Variants in FBXL17 observed in about 807,000 individuals in gnomAD.
FBXL17 encodes F-box/LRR-repeat protein 17.
A neutral mutation model predicts 66.2 loss-of-function variants in FBXL17; 22 were observed. That is an observed-to-expected ratio of 0.33 (90% confidence interval 0.24 to 0.47). The LOEUF (loss-of-function observed/expected upper bound fraction) is 0.47. Among genes scored for constraint, FBXL17 ranks in the 20% least tolerant of loss-of-function variants. The pLI is 1.00. For missense variants in FBXL17, 878 were observed against 948.2 expected, an observed-to-expected ratio of 0.93 and a Z score of 0.97; for synonymous variants, 474 against 400.5, an observed-to-expected ratio of 1.18 and a Z score of -2.19.
At chr5:108,144,271 A>G (rs1751472996) in intron 6 of FBXL17, among the ~76,000 whole-genome samples, 1 of 152,156 alleles carries the variant, frequency 6.6e-6, no homozygotes, top group Admixed American at 6.5e-5. Flanking sequence ...GTGATTCTTA[A>G]AAGTTGCTGA....
intron 6 of FBXL17, among the ~76,000 whole-genome samples, chr5:108,181,190 A>G (rs1177003636): frequency 6.6e-6 from 1 of 152,350 alleles, no homozygotes. Flanking sequence ...TGTAGACCAA[A>G]TTGGATGTGA....
At chr5:107,881,928 C>A (rs1422888110) in intron 7 of FBXL17, among the ~76,000 whole-genome samples, 1 of 152,192 alleles carries the variant, frequency 6.6e-6, no homozygotes, top group Admixed American at 6.5e-5. Flanking sequence ...ACACTTATCC[C>A]ATAATCTATG....
Position 108,224,138 on chromosome 5 carries a change from C to T in FBXL17, c.1597G>A (p.Val533Ile). The stretch of plus-strand genomic sequence containing the variant: ...GTACCTACCTTGGTTAGGTGAATGA[C>T]TCCTTTAGAAGTGACTGAACAACCC... ...FMGCSVTSKGVIHLTKLRNLS... is the reference protein window; with the variant it reads ...FMGCSVTSKGIIHLTKLRNLS... The change falls in exon 5 of 9, where the codon GTC becomes ATC. Residue 533 changes from valine to isoleucine, a missense_variant. Val to Ile is a conservative substitution (Grantham distance 29, BLOSUM62 3). Around this residue, in one of 4 missense-constraint regions of FBXL17, gnomAD observed 236 missense variants for 389.1 expected, o/e 0.61. Transcript: ENST00000542267. 6.2e-7 allele frequency: 1 copy of T among 1,603,184 alleles called. No homozygotes were observed. The highest frequency in any genetic ancestry group is 8.5e-7 in the Non-Finnish European group (1 of 1,172,176).
intron 4 of FBXL17, among the ~76,000 whole-genome samples, chr5:108,230,119 T>C (rs2122159): frequency 0.044 from 6,646 of 152,250 alleles, 780 homozygotes; most frequent in East Asian, 0.39. Context: ...ACACTGCTGG[T>C]AGGAATGTAA....
At chr5:108,256,726 TTA>T (rs1482234572) in intron 4 of FBXL17, among the ~76,000 whole-genome samples, 4 of 152,138 alleles carry the variant, frequency 2.6e-5, no homozygotes, top group African/African-American at 4.8e-5. Flanking sequence ...CTTTACTTAG[TTA>T]TGACTATATA....
In FBXL17 at chr5:108,111,565, T is replaced by C. The variant is rs886750177; in HGVS notation, c.1745+74552A>G. Among the ~76,000 whole-genome samples the C allele has an allele frequency of 2.0e-4, 30 of 152,350 alleles. 1 individual carries two copies. The highest frequency in any genetic ancestry group is 5.8e-4 in the East Asian group (3 of 5,188). The stretch of plus-strand genomic sequence containing the variant: ...ACTATCATTCATTCTTAAGTATTTA[T>C]TGAATGCTGTATACAAGATCTAGTT... On this transcript the variant is annotated intron_variant, in intron 6 of 8. Transcript: ENST00000542267.
At chr5:108,380,647 G>C (rs1580937026) in intron 1 of FBXL17, 52 bp downstream of exon 1, 3 of 1,093,548 alleles carry the variant, frequency 2.7e-6, no homozygotes, top group Non-Finnish European at 3.5e-6. Flanking sequence ...TCGGAGGCGG[G>C]GGCCGGGGGT....
chr5:108,009,194 CATATATATATATATATATATATATATAT>C (rs373679985), intron 7 of FBXL17, among the ~76,000 whole-genome samples: 20,052 of 53,890 alleles, frequency 0.37, 4,841 homozygotes, highest in South Asian at 0.56. Context: ...ATTTGAAAAG[CATATATATATATATATATATATATATAT>C]ATATATATAT....
chr5:108,139,659 TTTGA>T (rs1751277862), intron 6 of FBXL17, among the ~76,000 whole-genome samples: 1 of 152,192 alleles, frequency 6.6e-6, no homozygotes, highest in Non-Finnish European at 1.5e-5. Flanking sequence ...TATCTCACAA[TTTGA>T]TTGGCTTCAA....
intron 4 of FBXL17, among the ~76,000 whole-genome samples, chr5:108,231,172 C>T (rs763521403): frequency 3.2e-4 from 48 of 152,096 alleles, no homozygotes; most frequent in Admixed American, 1.4e-3. Context: ...TATTGAGGTA[C>T]AACTTATATG....
chr5:108,151,874 T>C lies in FBXL17; in HGVS notation c.1745+34243A>G, dbSNP rs145687582. Among the ~76,000 whole-genome samples the C allele has an allele frequency of 3.8e-3, 578 of 152,302 alleles. 3 individuals are homozygous for C. The highest frequency in any genetic ancestry group is 0.013 in the African/African-American group (529 of 41,570). ...ATGACATTCTTTATTCTTAAGAACT[T>C]TGATATCAAAGGCAACAAGAATGCT... On this transcript the variant is annotated intron_variant, in intron 6 of 8. Coordinates refer to ENST00000542267, the MANE Select transcript of FBXL17 (RefSeq NM_001163315.3).
intron 5 of FBXL17, among the ~76,000 whole-genome samples, chr5:108,212,741 T>C (rs1009494685): frequency 5.9e-5 from 9 of 152,188 alleles, no homozygotes; most frequent in Non-Finnish European, 1.2e-4. Flanking sequence ...CTGTGTGAGA[T>C]GTCTGTCAGC....
chr5:108,371,565 A>G (rs1006900661), intron 1 of FBXL17, among the ~76,000 whole-genome samples: 3 of 152,220 alleles, frequency 2.0e-5, no homozygotes, highest in African/African-American at 4.8e-5. Context: ...GAAACTGCCC[A>G]TGAGAAAACC....
chr5:108,023,248 A>G (rs1754666194), intron 6 of FBXL17, among the ~76,000 whole-genome samples: 1 of 152,136 alleles, frequency 6.6e-6, no homozygotes, highest in African/African-American at 2.4e-5. Context: ...AGACAAAACC[A>G]TACTCCTTGG....
At chr5:108,029,536 C>A (rs1383769995) in intron 6 of FBXL17, among the ~76,000 whole-genome samples, 1 of 152,080 alleles carries the variant, frequency 6.6e-6, no homozygotes, top group Non-Finnish European at 1.5e-5. Context: ...AGAGGCAAAT[C>A]ATCTTTGCTG....
chr5:107,910,404 G>T (rs1366444806), intron 7 of FBXL17, among the ~76,000 whole-genome samples: 1 of 152,036 alleles, frequency 6.6e-6, no homozygotes, highest in African/African-American at 2.4e-5. Context: ...GAAACAGCAT[G>T]GTGTAGCAGA....
intron 7 of FBXL17, among the ~76,000 whole-genome samples, chr5:107,881,725 C>G (rs1179069702): frequency 6.6e-6 from 1 of 152,158 alleles, no homozygotes; most frequent in African/African-American, 2.4e-5. Flanking sequence ...AAGAGTACAT[C>G]ATACATACTG....
chr5:108,204,190 A>G (rs1397344710), intron 5 of FBXL17, among the ~76,000 whole-genome samples: 1 of 152,080 alleles, frequency 6.6e-6, no homozygotes, highest in Non-Finnish European at 1.5e-5. Context: ...GTTATTTAAT[A>G]TAAGGTCTTT....
chr5:108,089,409 C>G (rs1164280395), intron 6 of FBXL17, among the ~76,000 whole-genome samples: 2 of 152,170 alleles, frequency 1.3e-5, no homozygotes, highest in African/African-American at 4.8e-5. Context: ...TAACTCCTAC[C>G]ATGGACCTTT....
Sources: gnomAD v4.1 joint callset for allele counts (sites outside exome capture counted in the v4.1 genomes callset) on GRCh38, gnomAD v4.1.1 for gene constraint, gnomAD v4.1.1 regional missense constraint, MANE v1.5 for transcripts, NCBI Gene and HGNC (gene_info 2026-07-23, HGNC 2026-07-21) for gene names.